UBE2E2: variants seen among roughly 807,000 people sequenced by gnomAD.
The protein encoded by UBE2E2 is ubiquitin conjugating enzyme E2 E2, also known as ubiquitin-conjugating enzyme E2 E2.
In UBE2E2, 6 loss-of-function variants were observed where a neutral mutation model predicts 24.7. That is an observed-to-expected ratio of 0.24 (90% CI 0.13 to 0.48). The LOEUF is 0.48. Among genes scored for constraint, UBE2E2 ranks in the 20% least tolerant of loss-of-function variants. UBE2E2 has a pLI of 0.99. For synonymous variants in UBE2E2, 104 were observed against 83.6 expected, an observed-to-expected ratio of 1.24 and a Z score of -1.33; for missense variants, 169 against 245.0, an observed-to-expected ratio of 0.69 and a Z score of 2.07.
chr3:23,505,052 C>G (rs1347926757), intron 4 of UBE2E2, among the ~76,000 whole-genome samples: 2 of 150,204 alleles, frequency 1.3e-5, no homozygotes, highest in Non-Finnish European at 3.0e-5. Flanking sequence ...ACTACAGGCA[C>G]ACACCACCAC....
At chr3:23,513,890 T>C (rs1195220070) in intron 4 of UBE2E2, among the ~76,000 whole-genome samples, 2 of 152,104 alleles carry the variant, frequency 1.3e-5, no homozygotes, top group Non-Finnish European at 2.9e-5. Flanking sequence ...AGAGTTTCCA[T>C]ATAGAAACCT....
chr3:23,536,845 TCTTAA>T (rs1317880414), intron 5 of UBE2E2, among the ~76,000 whole-genome samples: 3 of 152,200 alleles, frequency 2.0e-5, no homozygotes, highest in Admixed American at 6.5e-5. Context: ...TTGAAATTCT[TCTTAA>T]CTTTTTTTAG....
At chr3:23,418,600 G>A (rs1027801774) in intron 3 of UBE2E2, among the ~76,000 whole-genome samples, 7 of 152,174 alleles carry the variant, frequency 4.6e-5, no homozygotes, top group Admixed American at 2.6e-4. Flanking sequence ...CTTGTATAGA[G>A]TTGTCAGCCA....
intron 3 of UBE2E2, among the ~76,000 whole-genome samples, chr3:23,237,062 A>G (rs1697132467): frequency 6.6e-6 from 1 of 152,172 alleles, no homozygotes; most frequent in African/African-American, 2.4e-5. Context: ...CTACGTATAC[A>G]TAGCCTCTTG....
At chr3:23,459,124 T>C (rs1409788102) in intron 3 of UBE2E2, among the ~76,000 whole-genome samples, 11 of 152,226 alleles carry the variant, frequency 7.2e-5, no homozygotes, top group African/African-American at 2.4e-4. Flanking sequence ...AGATCTTCTG[T>C]GGTCACAAAT....
At chr3:23,268,555 A>G (rs1402477433) in intron 3 of UBE2E2, among the ~76,000 whole-genome samples, 1 of 147,060 alleles carries the variant, frequency 6.8e-6, no homozygotes, top group African/African-American at 2.5e-5. Context: ...ATAAAAGAGG[A>G]TACAAAGAAA....
chr3:23,247,692 A>C (rs1334602738), intron 3 of UBE2E2, among the ~76,000 whole-genome samples: 2 of 152,234 alleles, frequency 1.3e-5, no homozygotes, highest in African/African-American at 4.8e-5. Flanking sequence ...ATTCTTCAAC[A>C]AAGTACAATG....
intron 5 of UBE2E2, among the ~76,000 whole-genome samples, chr3:23,587,759 C>T (rs1696660482): frequency 6.6e-6 from 1 of 152,200 alleles, no homozygotes; most frequent in Admixed American, 6.5e-5. Flanking sequence ...TTTGGTAGTG[C>T]TGGTTTAAAT....
chr3:23,522,441 T>G (rs374356177), intron 4 of UBE2E2, among the ~76,000 whole-genome samples: 6 of 152,224 alleles, frequency 3.9e-5, no homozygotes, highest in African/African-American at 1.2e-4. Context: ...CATAACCAGC[T>G]TATTTTTTAA....
At chr3:23,255,261 T>G (rs978385668) in intron 3 of UBE2E2, among the ~76,000 whole-genome samples, 1 of 147,706 alleles carries the variant, frequency 6.8e-6, no homozygotes, top group Non-Finnish European at 1.5e-5. Context: ...TTTTTGTAGT[T>G]TTTTTTTTTT....
chr3:23,268,049 C>T (rs1284657875), intron 3 of UBE2E2, among the ~76,000 whole-genome samples: 5 of 151,648 alleles, frequency 3.3e-5, no homozygotes, highest in East Asian at 1.9e-4. Context: ...ATTGATGGGA[C>T]GTATCTCAAA....
intron 3 of UBE2E2, among the ~76,000 whole-genome samples, chr3:23,344,356 A>G (rs908984319): frequency 7.2e-5 from 11 of 152,158 alleles, no homozygotes; most frequent in Non-Finnish European, 1.6e-4. Flanking sequence ...CATATTGGGC[A>G]ACCGAAGGCT....
chr3:23,466,795 C>T (rs1379823257), intron 3 of UBE2E2, among the ~76,000 whole-genome samples: 1 of 152,078 alleles, frequency 6.6e-6, no homozygotes, highest in African/African-American at 2.4e-5. Context: ...TCTCGAACCC[C>T]TGACCTTGTG....
chr3:23,460,611 A>G (rs963024321), intron 3 of UBE2E2, among the ~76,000 whole-genome samples: 9 of 152,214 alleles, frequency 5.9e-5, no homozygotes, highest in Non-Finnish European at 8.8e-5. Context: ...TATGCATTCA[A>G]TTAGCATAAT....
chr3:23,219,451 G>T (rs559105667), intron 3 of UBE2E2, among the ~76,000 whole-genome samples: 125 of 152,244 alleles, frequency 8.2e-4, no homozygotes, highest in African/African-American at 2.9e-3. Flanking sequence ...TGAAAATGTG[G>T]TTACCATCTT....
At position 23,551,147 on chromosome 3, in the gene UBE2E2, A is replaced by G. The variant is rs535766062; in HGVS notation, c.508+18446A>G. 2.6e-5 allele frequency among the ~76,000 whole-genome samples: 4 copies of G among 152,352 alleles called. No individual in the cohort carries two copies. In the Middle Eastern group the frequency reaches 0.01, roughly 389 times the overall value. Reference sequence around the variant, plus strand: ...GAAATACAACAAATTCCAACACTCAACAACATAAAAATTGCAGTGTTCAAC... The same window carrying G: ...GAAATACAACAAATTCCAACACTCAGCAACATAAAAATTGCAGTGTTCAAC... On this transcript the variant is annotated intron_variant, in intron 5 of 5. Transcript: ENST00000396703.
intron 3 of UBE2E2, among the ~76,000 whole-genome samples, chr3:23,424,275 C>T (rs1697873619): frequency 6.6e-6 from 1 of 151,942 alleles, no homozygotes; most frequent in South Asian, 2.1e-4. Flanking sequence ...GAAAATACAG[C>T]AGAGACTTGC....
intron 3 of UBE2E2, among the ~76,000 whole-genome samples, chr3:23,404,172 TAATA>T (rs1697299726): frequency 2.0e-5 from 3 of 152,186 alleles, no homozygotes; most frequent in Non-Finnish European, 2.9e-5. Context: ...ACATTCATAG[TAATA>T]AATGTATTTA....
chr3:23,299,977 G>A (rs1415636126), intron 3 of UBE2E2, among the ~76,000 whole-genome samples: 1 of 152,148 alleles, frequency 6.6e-6, no homozygotes, highest in East Asian at 1.9e-4. Flanking sequence ...CCTGTATTGG[G>A]TGCATATATA....
Sources: gnomAD v4.1 joint callset for allele counts (sites outside exome capture counted in the v4.1 genomes callset) on GRCh38, gnomAD v4.1.1 for gene constraint, MANE v1.5 for transcripts, NCBI Gene and HGNC (gene_info 2026-07-23, HGNC 2026-07-21) for gene names.